FAM234A: variants seen among roughly 807,000 people sequenced by gnomAD.
FAM234A encodes the protein family with sequence similarity 234 member A, also known as protein FAM234A.
A neutral mutation model predicts 49.1 loss-of-function variants in FAM234A; 42 were observed. That is an observed-to-expected ratio of 0.86 (90% confidence interval 0.67 to 1.11). FAM234A has a LOEUF of 1.11. Ranked by LOEUF, FAM234A falls within the 50% of genes least tolerant of loss-of-function variation. FAM234A has a pLI of 0.00. For missense variants in FAM234A, 815 were observed against 745.2 expected (o/e 1.09, Z -1.09); for synonymous variants, 369 against 316.2 (o/e 1.17, Z -1.77).
chr16:264,623 G>T lies in FAM234A; in HGVS notation c.1354G>T (p.Glu452Ter), dbSNP rs1049196082. ...CTGGTTCTCGCTCCAGGAGACCGGG[G>T]AGGCCCGGCACAGCCTGTACATGTT... ...LGSTSETETG[E>*]ARHSLYMFHP... The change falls in exon 12 of 13, where the codon GAG (glutamate) becomes TAG (stop). Residue 452 changes from glutamate to a stop codon, truncating the protein, a stop_gained. Coordinates refer to ENST00000399932, the MANE Select transcript of FAM234A (RefSeq NM_032039.4). LOFTEE classifies it high-confidence loss of function. The T allele has an allele frequency of 3.1e-6, 5 of 1,609,446 alleles. No homozygotes were observed. Among genetic ancestry groups the T allele is most frequent in the Non-Finnish European group, 4.2e-6 (5 of 1,178,872 alleles).
At chr16:262,936 C>T (rs1052771097) in intron 8 of FAM234A, among the ~76,000 whole-genome samples, 14 of 151,838 alleles carry the variant, frequency 9.2e-5, no homozygotes, top group African/African-American at 3.4e-4. Flanking sequence ...TCTCCTGCCC[C>T]AGCCTCCCGA....
chr16:236,335 T>A (rs1051652991), intron 1 of FAM234A, among the ~76,000 whole-genome samples: 5 of 151,562 alleles, frequency 3.3e-5, no homozygotes, highest in Admixed American at 1.3e-4. Flanking sequence ...TTCTTAAAAA[T>A]TTTTTTTGGG....
chr16:254,137 A>G (rs570096202), intron 2 of FAM234A: 6 of 457,432 alleles, frequency 1.3e-5, no homozygotes, highest in South Asian at 7.1e-5. Flanking sequence ...CTGGATGAAA[A>G]TAGTTCCTGC....
intron 2 of FAM234A, among the ~76,000 whole-genome samples, chr16:251,520 G>A (rs371911110): frequency 4.0e-5 from 6 of 151,586 alleles, no homozygotes; most frequent in Non-Finnish European, 7.4e-5. Context: ...GACCACGGGC[G>A]AGCGCCGCCA....
chr16:264,990 T>C lies in FAM234A; in HGVS notation c.1627T>C (p.Phe543Leu). The C allele has an allele frequency of 6.2e-7, 1 of 1,610,980 alleles. No homozygotes were observed. The highest frequency in any genetic ancestry group is 8.5e-7 in the Non-Finnish European group (1 of 1,178,630). ...CAGTGACCAAGCCATCAGGGACCGGTTCTCCCGGCTGCGGTACCAGAGTGA... is the reference window on the plus strand; with the variant it reads ...CAGTGACCAAGCCATCAGGGACCGGCTCTCCCGGCTGCGGTACCAGAGTGA... ...PDSDQAIRDR[F>L]SRLRYQSEA The change falls in exon 13 of 13, where the codon TTC becomes CTC. Residue 543 changes from phenylalanine (F) to leucine (L), a missense_variant. Phe to Leu is a conservative substitution (Grantham distance 22). Transcript: ENST00000399932.
downstream of FAM234A, chr16:269,788 T>A (rs1596883675): frequency 2.4e-5 from 13 of 547,658 alleles, no homozygotes; most frequent in East Asian, 3.9e-4. Flanking sequence ...CTGGGCCATG[T>A]CGCAGCAAAA....
At chr16:252,691 AT>A (rs2051067540) in intron 2 of FAM234A, among the ~76,000 whole-genome samples, 1 of 152,188 alleles carries the variant, frequency 6.6e-6, no homozygotes, top group Admixed American at 6.5e-5. Flanking sequence ...AATTAAAGCC[AT>A]TCTAGTGTCA....
intron 1 of FAM234A, chr16:246,849 C>T (rs1479076060): frequency 1.3e-5 from 2 of 151,652 alleles, no homozygotes; most frequent in Non-Finnish European, 2.9e-5. Context: ...GATCTTGGCT[C>T]ACTGCAACCT....
At chr16:269,453 A>G, downstream of FAM234A, 1 of 1,598,198 alleles carries the variant, frequency 6.3e-7, no homozygotes, top group Non-Finnish European at 8.6e-7. Context: ...GCAGGGCCCC[A>G]GCAGCCCCCA....
At position 261,318 on chromosome 16, in the gene FAM234A, G is replaced by GT; in HGVS notation, c.578-66_578-65insT. The stretch of plus-strand genomic sequence containing the variant: ...CAGGAGCCTGCCTGTCACAGGCCTT[G>GT]CAGTTGCCGGGCTGCTGTTGAAGGG... On this transcript the variant is annotated intron_variant, in intron 5 of 12. Coordinates refer to ENST00000399932, the MANE Select transcript of FAM234A (RefSeq NM_032039.4). 8.9e-6 allele frequency: 14 copies of GT among 1,565,894 alleles called. 1 individual carries two copies. The African/African-American group carries it at 1.6e-4, about 18-fold the overall frequency.
intron 10 of FAM234A, 49 bp downstream of exon 10, chr16:263,824 T>C: frequency 6.6e-7 from 1 of 1,514,068 alleles, no homozygotes; most frequent in Non-Finnish European, 9.2e-7. Context: ...TAGCTGAGGA[T>C]AGACTGGTCT....
chr16:241,737 G>GA (rs2050622521), intron 1 of FAM234A, among the ~76,000 whole-genome samples: 1 of 151,772 alleles, frequency 6.6e-6, no homozygotes, highest in African/African-American at 2.4e-5. Flanking sequence ...CTAACACAGT[G>GA]AAACCCCATC....
rs369717866 is a variant in FAM234A at position 264,671 on chromosome 16, C to T, written c.1402C>T (p.Leu468=). ...YMFHPTLPRV[L]LELANVSTHI... ...GTTCCACCCCACCCTGCCGCGCGTG[C>T]TGCTGGAGCTGGCCAATGTCTCTAC... is the stretch of plus-strand genomic sequence containing the variant. Residue 468 remains leucine, a synonymous_variant, in exon 12 of 13, where the codon CTG becomes TTG. Transcript: ENST00000399932. 26 of 1,612,020 alleles carry T rather than the reference C, an allele frequency of 1.6e-5. No homozygotes were observed. In the African/African-American group the frequency reaches 3.1e-4, roughly 19 times the overall value.
intron 1 of FAM234A, among the ~76,000 whole-genome samples, chr16:245,265 C>T (rs907899835): frequency 3.3e-5 from 5 of 152,086 alleles, no homozygotes; most frequent in Admixed American, 6.6e-5. Flanking sequence ...GAGAATCTCT[C>T]GAACCCAGCA....
chr16:245,403 A>T (rs766408241), intron 1 of FAM234A, among the ~76,000 whole-genome samples: 1 of 152,166 alleles, frequency 6.6e-6, no homozygotes, highest in Non-Finnish European at 1.5e-5. Context: ...TGCTGTGTCT[A>T]TGAGTGAGAC....
Position 264,795 on chromosome 16 carries a change from G to C in FAM234A, c.1448-16G>C. 1 of 1,607,604 alleles carries C rather than the reference G, an allele frequency of 6.2e-7. No homozygotes were observed. Among genetic ancestry groups the C allele is most frequent in the Non-Finnish European group, 8.5e-7 (1 of 1,178,754 alleles). On this transcript the variant is annotated splice_polypyrimidine_tract_variant and intron_variant, in intron 12 of 12. Coordinates refer to ENST00000399932, the MANE Select transcript of FAM234A (RefSeq NM_032039.4). ...GGTCCTGAGCCGCCCTGACAGCTGT[G>C]TCCCCCACCCTGCAGCCGTCCTGTT... is the stretch of plus-strand genomic sequence containing the variant.
intron 1 of FAM234A, among the ~76,000 whole-genome samples, chr16:236,736 C>T (rs1324255446): frequency 6.8e-6 from 1 of 147,366 alleles, no homozygotes; most frequent in African/African-American, 2.5e-5. Flanking sequence ...GAAACCCCGT[C>T]TCTACTAAAA....
Position 265,814 on chromosome 16 carries a change from C to G in FAM234A, c.*792C>G. On this transcript the variant is annotated 3_prime_UTR_variant, in exon 13 of 13. Transcript: ENST00000399932. Reference sequence around the variant, plus strand: ...ATGCGTGTTTGGGTCAGTCTGTGCCCTCTCAGTAGACACTGGAGCTGCTCT... The same window carrying G: ...ATGCGTGTTTGGGTCAGTCTGTGCCGTCTCAGTAGACACTGGAGCTGCTCT... 1 of 985,728 alleles carries G rather than the reference C, an allele frequency of 1.0e-6. No homozygotes were observed. Among genetic ancestry groups the G allele is most frequent in the Non-Finnish European group, 1.2e-6 (1 of 830,044 alleles). The allele number at this position is 985,728 out of a possible 1,614,324, so 61.1% of individuals were successfully genotyped here.
At position 261,477 on chromosome 16, in the gene FAM234A, C is replaced by T. The variant is rs967294690; in HGVS notation, c.671C>T (p.Ala224Val). ...GTGCCTGATGTGGACGGCGATGGGG[C>T]CCCAGACCTGCTGGTTCTCACCCAG... ...LQVPDVDGDGAPDLLVLTQER... is the reference protein window; with the variant it reads ...LQVPDVDGDGVPDLLVLTQER... Residue 224 changes from alanine (A) to valine (V), a missense_variant, in exon 6 of 13, where the codon GCC becomes GTC. Coordinates refer to ENST00000399932, the MANE Select transcript of FAM234A (RefSeq NM_032039.4). 2.5e-6 allele frequency: 4 copies of T among 1,612,160 alleles called. No individual in the cohort carries two copies. The highest frequency in any genetic ancestry group is 3.4e-6 in the Non-Finnish European group (4 of 1,179,438).
Sources: allele counts gnomAD v4.1 joint callset (sites outside exome capture counted in the v4.1 genomes callset), GRCh38; gene constraint gnomAD v4.1.1; transcripts MANE v1.5; gene names NCBI Gene and HGNC (gene_info 2026-07-23, HGNC 2026-07-21).